IDNK: variants seen among roughly 807,000 people sequenced by gnomAD.
The protein encoded by IDNK is gluconokinase.
IDNK carries 9 observed loss-of-function variants against 13.0 expected under a neutral mutation model. The ratio of observed to expected loss-of-function variants is 0.69; its 90% CI spans 0.42 to 1.21. The LOEUF is 1.21. Among genes scored for constraint, IDNK ranks in the 50% most tolerant of loss-of-function variants. The pLI is 0.00. For missense variants in IDNK, 210 were observed against 237.8 expected (o/e 0.88, Z 0.77); for synonymous variants, 92 against 94.9 (o/e 0.97, Z 0.18).
At chr9:83,640,617 G>A (rs1344077667) in intron 3 of IDNK, among the ~76,000 whole-genome samples, 5 of 152,294 alleles carry the variant, frequency 3.3e-5, no homozygotes, top group African/African-American at 7.2e-5. Flanking sequence ...CAAGGCAGGC[G>A]GATCACCTGA....
intron 1 of IDNK, among the ~76,000 whole-genome samples, chr9:83,626,255 T>A (rs1830845004): frequency 6.6e-6 from 1 of 152,172 alleles, no homozygotes. Flanking sequence ...GGGTCTTTGG[T>A]GCATATTCAA....
At chr9:83,640,227 T>C (rs1831266725) in intron 3 of IDNK, among the ~76,000 whole-genome samples, 1 of 152,178 alleles carries the variant, frequency 6.6e-6, no homozygotes, top group South Asian at 2.1e-4. Context: ...TCAGATGAGT[T>C]TTATCAAACA....
intron 3 of IDNK, among the ~76,000 whole-genome samples, chr9:83,640,882 A>C (rs1831286247): frequency 6.6e-6 from 1 of 151,984 alleles, no homozygotes; most frequent in Non-Finnish European, 1.5e-5. Flanking sequence ...TGGTATACAG[A>C]GGTTTGCTTT....
chr9:83,633,694 A>G (rs1831087871), intron 3 of IDNK, among the ~76,000 whole-genome samples: 1 of 152,264 alleles, frequency 6.6e-6, no homozygotes, highest in Non-Finnish European at 1.5e-5. Context: ...AGAGCAGCTC[A>G]ATGAATTATA....
intron 3 of IDNK, among the ~76,000 whole-genome samples, chr9:83,637,639 A>G (rs977723926): frequency 1.3e-5 from 2 of 152,242 alleles, no homozygotes; most frequent in Non-Finnish European, 1.5e-5. Context: ...AAAGTGTGGC[A>G]AGGCTGAACT....
At chr9:83,623,312 G>C (rs1399201656) in intron 1 of IDNK, 91 bp downstream of exon 1, 1 of 1,181,398 alleles carries the variant, frequency 8.5e-7, no homozygotes. Context: ...GGTGGACTGG[G>C]GTCTTGGGGA....
intron 1 of IDNK, among the ~76,000 whole-genome samples, chr9:83,623,845 G>C (rs1830773431): frequency 6.6e-6 from 1 of 152,204 alleles, no homozygotes; most frequent in South Asian, 2.1e-4. Flanking sequence ...TGCTAACCTG[G>C]AGACTGAGGA....
At position 83,643,531 on chromosome 9, in the gene IDNK, TGA is replaced by T. The variant is rs1447883790; in HGVS notation, c.317_318del (p.Glu106GlyfsTer10). ...QGKDGVALKC[E>X]ESGKEAKQAE... ...GAAAAGATGGTGTAGCTCTGAAGTG[TGA>T]GGAGTCGGGAAAGGAAGCAAAGCAG... On this transcript the variant is annotated frameshift_variant, in exon 5 of 5. Coordinates refer to ENST00000376419, the MANE Select transcript of IDNK (RefSeq NM_001001551.4). LOFTEE classifies it low-confidence loss of function (END_TRUNC). 1 of 1,613,770 alleles carries T rather than the reference TGA, an allele frequency of 6.2e-7. No homozygotes were observed. The highest frequency in any genetic ancestry group is 1.3e-5 in the African/African-American group (1 of 74,828).
intron 3 of IDNK, among the ~76,000 whole-genome samples, chr9:83,634,191 C>T (rs1252486764): frequency 1.3e-5 from 2 of 152,172 alleles, no homozygotes; most frequent in Non-Finnish European, 2.9e-5. Context: ...GAATAATGTT[C>T]AAAGTGCTGC....
chr9:83,631,065 A>C (rs1830996863), intron 3 of IDNK, among the ~76,000 whole-genome samples: 1 of 152,176 alleles, frequency 6.6e-6, no homozygotes, highest in Non-Finnish European at 1.5e-5. Flanking sequence ...AAGACTGAAG[A>C]TATGGGTCAC....
intron 3 of IDNK, among the ~76,000 whole-genome samples, chr9:83,637,821 G>C (rs1443812374): frequency 6.6e-6 from 1 of 152,132 alleles, no homozygotes; most frequent in Non-Finnish European, 1.5e-5. Flanking sequence ...TGTTAGCATT[G>C]ATGTCAAGTT....
chr9:83,635,537 T>A (rs995288325), intron 3 of IDNK, among the ~76,000 whole-genome samples: 8 of 152,372 alleles, frequency 5.3e-5, no homozygotes, highest in African/African-American at 1.9e-4. Flanking sequence ...CTACCCAGCC[T>A]GCCTGGGACA....
At chr9:83,625,383 G>T (rs1830822052) in intron 1 of IDNK, among the ~76,000 whole-genome samples, 1 of 152,218 alleles carries the variant, frequency 6.6e-6, no homozygotes, top group African/African-American at 2.4e-5. Context: ...GTCCAAGTCT[G>T]AAGTTCAGAG....
intron 1 of IDNK, among the ~76,000 whole-genome samples, chr9:83,624,539 G>A (rs1299029327): frequency 6.6e-6 from 1 of 152,096 alleles, no homozygotes; most frequent in African/African-American, 2.4e-5. Context: ...TGGAGTAAGG[G>A]GAACAAAGAG....
At chr9:83,624,460 G>A (rs953037871) in intron 1 of IDNK, among the ~76,000 whole-genome samples, 8 of 152,168 alleles carry the variant, frequency 5.3e-5, no homozygotes, top group Non-Finnish European at 8.8e-5. Flanking sequence ...GCCCTCAAAG[G>A]ATTTACATTC....
Position 83,623,263 on chromosome 9 carries a change from G to A in IDNK, c.50+42G>A, listed in dbSNP as rs1029098619. On this transcript the variant is annotated intron_variant, in intron 1 of 4. Transcript: ENST00000376419. ...GCGGGGGGCGCCCGGGACAAGTGTT[G>A]CGGGCGCGGCGGAGGCCGGACGCGT... The A allele has an allele frequency of 9.5e-6, 13 of 1,368,242 alleles. No homozygotes were observed. The South Asian group carries it at 2.1e-4, about 22-fold the overall frequency. 84.8% of individuals were successfully genotyped at this position (1,368,242 alleles called of 1,614,324 possible). A position where few individuals can be genotyped will look rare whatever the true frequency, so the allele number is the denominator to read the frequency against.
At position 83,628,858 on chromosome 9, in the gene IDNK, A is replaced by G. The variant is rs776349328; in HGVS notation, c.82-15A>G. On this transcript the variant is annotated splice_polypyrimidine_tract_variant and intron_variant, in intron 2 of 4. Coordinates refer to ENST00000376419, the MANE Select transcript of IDNK (RefSeq NM_001001551.4). Reference sequence around the variant, plus strand: ...ATCTGCCTGCCACATACACCCTTTCACTTTGTTCTTAAAGCTGGGATGGAA... The same window carrying G: ...ATCTGCCTGCCACATACACCCTTTCGCTTTGTTCTTAAAGCTGGGATGGAA... 2.5e-6 allele frequency: 4 copies of G among 1,600,314 alleles called. No individual in the cohort carries two copies. Among genetic ancestry groups the G allele is most frequent in the Non-Finnish European group, 3.4e-6 (4 of 1,167,664 alleles).
chr9:83,625,308 A>C (rs1159344111), intron 1 of IDNK, among the ~76,000 whole-genome samples: 1 of 152,228 alleles, frequency 6.6e-6, no homozygotes, highest in Non-Finnish European at 1.5e-5. Flanking sequence ...ACAACCTCAG[A>C]AGCTCAGTGT....
At chr9:83,639,702 T>C (rs1407655153) in intron 3 of IDNK, among the ~76,000 whole-genome samples, 3 of 152,208 alleles carry the variant, frequency 2.0e-5, no homozygotes, top group Non-Finnish European at 4.4e-5. Context: ...AGTGATCTAG[T>C]GGCAGATACT....
Sources: allele counts gnomAD v4.1 joint callset (sites outside exome capture counted in the v4.1 genomes callset), GRCh38; gene constraint gnomAD v4.1.1; transcripts MANE v1.5; gene names NCBI Gene and HGNC (gene_info 2026-07-23, HGNC 2026-07-21).